FYB1: variants seen among roughly 807,000 people sequenced by gnomAD.
FYB1 encodes the protein FYN binding protein 1.
A neutral mutation model predicts 94.1 loss-of-function variants in FYB1; 41 were observed. The ratio of observed to expected loss-of-function variants is 0.44; its 90% confidence interval spans 0.34 to 0.57. FYB1 has a LOEUF of 0.57. Ranked by LOEUF, FYB1 falls within the 20% of genes least tolerant of loss-of-function variation. The pLI, the probability that FYB1 is intolerant of heterozygous loss-of-function variation, is 0.02. For synonymous variants in FYB1, 367 were observed against 353.2 expected (o/e 1.04, Z -0.44); for missense variants, 1,050 against 976.8 (o/e 1.07, Z -1.00).
chr5:39,156,101 A>G (rs1162674521), intron 2 of FYB1, among the ~76,000 whole-genome samples: 1 of 152,150 alleles, frequency 6.6e-6, no homozygotes, highest in Non-Finnish European at 1.5e-5. Context: ...AGCAGGAGGC[A>G]TTACCCTGGG....
chr5:39,116,523 T>C (rs1405824085), intron 16 of FYB1, among the ~76,000 whole-genome samples: 1 of 152,236 alleles, frequency 6.6e-6, no homozygotes, highest in Non-Finnish European at 1.5e-5. Context: ...GTAGTATTTG[T>C]AATAGTACTT....
intron 2 of FYB1, among the ~76,000 whole-genome samples, chr5:39,158,608 G>A (rs1182736290): frequency 1.3e-5 from 2 of 152,148 alleles, no homozygotes; most frequent in East Asian, 1.9e-4. Context: ...GGTCAAAAAT[G>A]CTGGTTCTGG....
At chr5:39,175,403 A>G (rs1184714657) in intron 2 of FYB1, among the ~76,000 whole-genome samples, 2 of 152,204 alleles carry the variant, frequency 1.3e-5, no homozygotes, top group Non-Finnish European at 2.9e-5. Flanking sequence ...CATTCTATCA[A>G]GAAAGTGACT....
intron 1 of FYB1, among the ~76,000 whole-genome samples, chr5:39,257,847 T>C (rs1385460166): frequency 6.7e-6 from 1 of 149,368 alleles, no homozygotes; most frequent in Non-Finnish European, 1.5e-5. Flanking sequence ...GCCAGCCAAA[T>C]CAAAATCTCT....
At chr5:39,110,210 A>G (rs1196151624) in intron 17 of FYB1, 146 bp downstream of exon 17, 4 of 483,980 alleles carry the variant, frequency 8.3e-6, no homozygotes, top group Non-Finnish European at 1.5e-5. Flanking sequence ...GGATACTAAC[A>G]TGTTAACGTT....
chr5:39,254,364 T>C (rs1190204455), intron 1 of FYB1, among the ~76,000 whole-genome samples: 2 of 152,200 alleles, frequency 1.3e-5, no homozygotes, highest in East Asian at 3.8e-4. Flanking sequence ...TCTGTTATTT[T>C]TTGACTTTTT....
At chr5:39,193,894 T>C (rs1203738275) in intron 2 of FYB1, among the ~76,000 whole-genome samples, 4 of 152,120 alleles carry the variant, frequency 2.6e-5, no homozygotes, top group Non-Finnish European at 5.9e-5. Flanking sequence ...CACTCAGAAC[T>C]CAAATCGCAA....
At chr5:39,163,105 A>G (rs575496289) in intron 2 of FYB1, among the ~76,000 whole-genome samples, 1 of 152,212 alleles carries the variant, frequency 6.6e-6, no homozygotes, top group Non-Finnish European at 1.5e-5. Flanking sequence ...CTTCAAGTCT[A>G]AGGACTTGAA....
chr5:39,254,004 C>A (rs1444485161), intron 1 of FYB1, among the ~76,000 whole-genome samples: 1 of 152,160 alleles, frequency 6.6e-6, no homozygotes, highest in Non-Finnish European at 1.5e-5. Context: ...CACGTCCCAT[C>A]CATGAATGAG....
At chr5:39,264,795 C>G (rs1289551262) in intron 1 of FYB1, among the ~76,000 whole-genome samples, 3 of 152,140 alleles carry the variant, frequency 2.0e-5, no homozygotes, top group Admixed American at 6.5e-5. Flanking sequence ...CCATGTGCAG[C>G]CAGAGTAGAG....
At position 39,193,584 on chromosome 5, in the gene FYB1, A is replaced by G. The variant is rs576330031; in HGVS notation, c.1135+8242T>C. ...TCCAGAAGCAATACTGGGGGAAGAC[A>G]GTGGTTCTAGACAAGCCTGTGAATT... is the stretch of plus-strand genomic sequence containing the variant. On this transcript the variant is annotated intron_variant, in intron 2 of 18. Coordinates refer to ENST00000512982, the MANE Select transcript of FYB1 (RefSeq NM_001465.6). Among the ~76,000 whole-genome samples the G allele has an allele frequency of 8.8e-4, 134 of 152,342 alleles. 1 individual carries two copies. The highest frequency in any genetic ancestry group is 3.1e-3 in the African/African-American group (130 of 41,578).
chr5:39,195,826 T>G (rs77260455), intron 2 of FYB1, among the ~76,000 whole-genome samples: 3,036 of 152,332 alleles, frequency 0.02, 117 homozygotes, highest in African/African-American at 0.069. Flanking sequence ...GAAGAAGCCC[T>G]TTCAGAACTG....
At chr5:39,169,395 A>C in intron 2 of FYB1, 1 of 756,288 alleles carries the variant, frequency 1.3e-6, no homozygotes, top group East Asian at 2.5e-5. Context: ...TTTTCCGTAC[A>C]TTCCTGCCAG....
rs756522366 is a variant in FYB1 at position 39,122,427 on chromosome 5, G to T, written c.2072-25C>A. 40 of 1,387,004 alleles carry T rather than the reference G, an allele frequency of 2.9e-5. 3 individuals carry two copies. The South Asian group carries it at 4.3e-4, about 15-fold the overall frequency. The allele number at this position is 1,387,004 out of a possible 1,614,324, so 85.9% of individuals were successfully genotyped here. A position where few individuals can be genotyped will look rare whatever the true frequency, so the allele number is the denominator to read the frequency against. ...TCTAACAAAAGACAGAATATCAAAGGTTGAAACACTGTTAGTTTAGATTTT... is the reference window on the plus strand; with the variant it reads ...TCTAACAAAAGACAGAATATCAAAGTTTGAAACACTGTTAGTTTAGATTTT... On this transcript the variant is annotated intron_variant, in intron 13 of 18. Coordinates refer to ENST00000512982, the MANE Select transcript of FYB1 (RefSeq NM_001465.6).
At chr5:39,172,637 C>T (rs114754660) in intron 2 of FYB1, among the ~76,000 whole-genome samples, 4,250 of 152,136 alleles carry the variant, frequency 0.028, 203 homozygotes, top group African/African-American at 0.097. Context: ...GTCTATTGTT[C>T]TCATCTTTAC....
chr5:39,251,794 T>A lies in FYB1; in HGVS notation c.-28+22609A>T, dbSNP rs190690692. ...TGAGGGAAGGAATGAGGGACACTAG[T>A]TCTATTGGGTAATATAATGTAAAGT... On this transcript the variant is annotated intron_variant, in intron 1 of 1. Transcript: ENST00000510188. Among the ~76,000 whole-genome samples, 697 of 152,220 alleles carry A rather than the reference T, an allele frequency of 4.6e-3. 5 individuals are homozygous for A. The highest frequency in any genetic ancestry group is 0.014 in the Middle Eastern group (4 of 294).
intron 14 of FYB1, among the ~76,000 whole-genome samples, chr5:39,121,183 CA>C (rs56376626): frequency 0.27 from 15,580 of 57,716 alleles, 335 homozygotes; most frequent in Middle Eastern, 0.39. Context: ...TAATGTAAAG[CA>C]AAAAAAAAAA....
chr5:39,172,408 T>C (rs943379371), intron 2 of FYB1, among the ~76,000 whole-genome samples: 2 of 151,658 alleles, frequency 1.3e-5, no homozygotes, highest in Non-Finnish European at 2.9e-5. Flanking sequence ...ATCATGCCAC[T>C]CCATGCTAGG....
chr5:39,273,022 T>TG (rs1385564697), intron 1 of FYB1, among the ~76,000 whole-genome samples: 1 of 151,904 alleles, frequency 6.6e-6, no homozygotes, highest in Non-Finnish European at 1.5e-5. Context: ...AGGAGGGAGG[T>TG]GGGGGGCGCC....
Sources: allele counts gnomAD v4.1 joint callset (sites outside exome capture counted in the v4.1 genomes callset), GRCh38; gene constraint gnomAD v4.1.1; transcripts MANE v1.5; gene names NCBI Gene and HGNC (gene_info 2026-07-23, HGNC 2026-07-21).